Variants in ADGRB1 observed in about 807,000 individuals in gnomAD.
The protein encoded by ADGRB1 is adhesion G protein-coupled receptor B1.
A neutral mutation model predicts 175.7 loss-of-function variants in ADGRB1; 36 were observed. The observed-to-expected ratio is 0.20, with a 90% confidence interval of 0.16 to 0.27. ADGRB1 has a LOEUF of 0.27. ADGRB1 is among the 10% of genes least tolerant of loss of function. The probability of loss-of-function intolerance (pLI) is 1.00; values close to 1 mark genes in which losing one functional copy is unlikely to be tolerated. For synonymous variants in ADGRB1, 1,054 were observed against 979.4 expected (o/e 1.08, Z -1.42); for missense variants, 1,731 against 2,255.3 (o/e 0.77, Z 4.71).
intron 27 of ADGRB1, among the ~76,000 whole-genome samples, chr8:142,540,678 G>T (rs1025821793): frequency 1.3e-5 from 2 of 152,206 alleles, no homozygotes; most frequent in African/African-American, 2.4e-5. Context: ...AAAGTGTGAG[G>T]TGTGTGGGAG....
intron 2 of ADGRB1, among the ~76,000 whole-genome samples, chr8:142,468,106 C>T (rs774300262): frequency 1.3e-4 from 20 of 152,260 alleles, no homozygotes; most frequent in East Asian, 1.9e-4. Flanking sequence ...CATGCATGTG[C>T]GTGTGCAAGT....
intron 18 of ADGRB1, among the ~76,000 whole-genome samples, chr8:142,513,950 G>GT (rs1843256898): frequency 6.6e-6 from 1 of 152,082 alleles, no homozygotes; most frequent in Non-Finnish European, 1.5e-5. Flanking sequence ...GAATGGACTG[G>GT]TGGGAGGCTG....
At position 142,490,919 on chromosome 8, in the gene ADGRB1, C is replaced by A. The variant is rs1841950366; in HGVS notation, c.2675+104C>A. The stretch of plus-strand genomic sequence containing the variant: ...AGGTTTCAGGTCTTGTCCACTTGCC[C>A]CCCAGCTGTCTGTGTACCCGCATGG... On this transcript the variant is annotated intron_variant, in intron 17 of 30. Coordinates refer to ENST00000517894, the MANE Select transcript of ADGRB1 (RefSeq NM_001702.3). 1.8e-5 allele frequency: 25 copies of A among 1,418,706 alleles called. No homozygotes were observed. The South Asian group carries it at 3.1e-4, about 17-fold the overall frequency. 87.9% of individuals were successfully genotyped at this position (1,418,706 alleles called of 1,614,324 possible).
Position 142,488,434 on chromosome 8 carries a change from C to T in ADGRB1, c.2379C>T (p.Ala793=). ...DISFPMKGWR[A]TGDWAKVPED... ...GCTTCCCCATGAAGGGCTGGCGGGCCACGGGTGACTGGGCCAAGGTGCCAG... is the reference window on the plus strand; with the variant it reads ...GCTTCCCCATGAAGGGCTGGCGGGCTACGGGTGACTGGGCCAAGGTGCCAG... Residue 793 remains alanine (A), a synonymous_variant, in exon 14 of 31, where the codon GCC becomes GCT. Coordinates refer to ENST00000517894, the MANE Select transcript of ADGRB1 (RefSeq NM_001702.3). The T allele has an allele frequency of 6.2e-7, 1 of 1,613,194 alleles. No homozygotes were observed.
chr8:142,518,203 C>T lies in ADGRB1; in HGVS notation c.2883C>T (p.Thr961=), dbSNP rs769026026. The change falls in exon 19 of 31, where the codon ACC becomes ACT. Residue 961 remains threonine (T), a synonymous_variant. Transcript: ENST00000517894. ...LIVGCGVSSL[T]LLMLVIIYVS... ...TGGGCTGTGGCGTGTCCTCTCTCAC[C>T]CTGCTCATGCTGGTCATCATCTACG... 1 of 1,613,814 alleles carries T rather than the reference C, an allele frequency of 6.2e-7. No homozygotes were observed. The highest frequency in any genetic ancestry group is 1.3e-5 in the African/African-American group (1 of 75,028).
chr8:142,462,214 G>A (rs539248828), intron 1 of ADGRB1, among the ~76,000 whole-genome samples: 24 of 152,276 alleles, frequency 1.6e-4, no homozygotes, highest in African/African-American at 2.6e-4. Flanking sequence ...TTGGGAGCCC[G>A]GAATGTTTGC....
Position 142,455,730 on chromosome 8 carries a change from G to A in ADGRB1, c.-220+5626G>A, listed in dbSNP as rs771310478. Among the ~76,000 whole-genome samples, 6 of 152,186 alleles carry A rather than the reference G, an allele frequency of 3.9e-5. No homozygotes were observed. The highest frequency in any genetic ancestry group is 5.9e-5 in the Non-Finnish European group (4 of 68,026). On this transcript the variant is annotated intron_variant, in intron 1 of 30. Transcript: ENST00000517894. The surrounding 1 kb of genome is among the most constrained non-coding windows in gnomAD (Gnocchi z 4.9). ...TTGAGGGGTCTTTGAAGTAAGAAAC[G>A]CAGAGGAGCGGCCAGGAGGCTGAGA...
rs1840134472 is a variant in ADGRB1 at position 142,464,378 on chromosome 8, G to A, written c.180G>A (p.Val60=). 1.3e-6 allele frequency: 2 copies of A among 1,525,330 alleles called. No individual in the cohort carries two copies. The highest frequency in any genetic ancestry group is 2.6e-5 in the East Asian group (1 of 38,282). The allele number at this position is 1,525,330 out of a possible 1,614,324, so 94.5% of individuals were successfully genotyped here. A position where few individuals can be genotyped will look rare whatever the true frequency, so the allele number is the denominator to read the frequency against. ...TCGGCTACTTCTCCGCGGCCGCCGT[G>A]TTCCCGGCCAACGCCTCGCGCTGCT... ...KFFGYFSAAA[V]FPANASRCSW... Residue 60 remains valine (V), a synonymous_variant, in exon 2 of 31, where the codon GTG becomes GTA. Coordinates refer to ENST00000517894, the MANE Select transcript of ADGRB1 (RefSeq NM_001702.3).
rs183429883 is a variant in ADGRB1 at position 142,508,870 on chromosome 8, G to A, written c.2676-2062G>A. ...TGAAACAGGATCCTGGCCTCACACC[G>A]CACTTGAGAGGGGAGGGGGCTTCCC... is the stretch of plus-strand genomic sequence containing the variant. On this transcript the variant is annotated intron_variant, in intron 17 of 30. Transcript: ENST00000517894. Among the ~76,000 whole-genome samples, 227 of 152,316 alleles carry A rather than the reference G, an allele frequency of 1.5e-3. 1 individual carries two copies. Among genetic ancestry groups the A allele is most frequent in the African/African-American group, 4.7e-3 (195 of 41,574 alleles).
At chr8:142,486,221 C>G (rs760956185) in intron 13 of ADGRB1, among the ~76,000 whole-genome samples, 2 of 152,210 alleles carry the variant, frequency 1.3e-5, no homozygotes, top group African/African-American at 4.8e-5. Flanking sequence ...CTCCCTCACT[C>G]AGCTGCCAAG....
intron 25 of ADGRB1, among the ~76,000 whole-genome samples, chr8:142,533,878 C>T (rs1019561277): frequency 6.6e-6 from 1 of 152,232 alleles, no homozygotes; most frequent in Non-Finnish European, 1.5e-5. Context: ...CACCAAACTA[C>T]ATCCCAACTA....
intron 21 of ADGRB1, 85 bp from the exon 22 acceptor site, chr8:142,522,556 C>G: frequency 7.4e-7 from 1 of 1,348,922 alleles, no homozygotes; most frequent in Non-Finnish European, 1.0e-6. Context: ...GCCTGGCCCC[C>G]GCCCTTCACG....
intron 18 of ADGRB1, among the ~76,000 whole-genome samples, chr8:142,513,742 G>A (rs35062832): frequency 0.05 from 7,673 of 152,208 alleles, 518 homozygotes; most frequent in African/African-American, 0.16. Context: ...GGGTCCTGAG[G>A]GGTGTGCAGG....
chr8:142,466,291 C>T (rs1223607563), intron 2 of ADGRB1, among the ~76,000 whole-genome samples: 1 of 152,172 alleles, frequency 6.6e-6, no homozygotes, highest in African/African-American at 2.4e-5. Context: ...CTATGGACTC[C>T]TCAGAATTTT....
intron 2 of ADGRB1, among the ~76,000 whole-genome samples, chr8:142,469,510 T>TGTGTATGCACGTGCATGTGTGAATGTGA (rs1207020121): frequency 2.0e-5 from 3 of 147,894 alleles, no homozygotes; most frequent in Admixed American, 6.7e-5. Flanking sequence ...TGTGAATGTG[T>TGTGTATGCACGTGCATGTGTGAATGTGA]GTGTATGCAC....
chr8:142,469,738 T>C (rs1418981879), intron 2 of ADGRB1, among the ~76,000 whole-genome samples: 1 of 152,032 alleles, frequency 6.6e-6, no homozygotes, highest in Non-Finnish European at 1.5e-5. Context: ...TGCATGTGTG[T>C]GAATGTGTGA....
intron 17 of ADGRB1, among the ~76,000 whole-genome samples, chr8:142,495,957 G>A (rs1288851262): frequency 2.0e-5 from 3 of 151,614 alleles, no homozygotes; most frequent in Admixed American, 6.6e-5. Context: ...GTGGGTGGAT[G>A]GGTGGATGGA....
intron 23 of ADGRB1, among the ~76,000 whole-genome samples, chr8:142,526,030 TTA>T (rs2132161795): frequency 6.6e-6 from 1 of 152,186 alleles, no homozygotes; most frequent in Admixed American, 6.5e-5. Flanking sequence ...CATGGGAGAC[TTA>T]TGTTAGAGCC....
intron 17 of ADGRB1, among the ~76,000 whole-genome samples, chr8:142,495,555 G>A (rs1842174838): frequency 6.6e-6 from 1 of 152,258 alleles, no homozygotes; most frequent in Non-Finnish European, 1.5e-5. Flanking sequence ...TCCTTCCAAA[G>A]GCTCTAGGAA....
Sources: allele counts gnomAD v4.1 joint callset (sites outside exome capture counted in the v4.1 genomes callset), GRCh38; gene constraint gnomAD v4.1.1; non-coding constraint Gnocchi (gnomAD v3.1); transcripts MANE v1.5; gene names NCBI Gene and HGNC (gene_info 2026-07-23, HGNC 2026-07-21).